The following FAM53B variants were observed in gnomAD, a reference collection of about 807,000 sequenced individuals.
FAM53B encodes the protein family with sequence similarity 53 member B, also known as protein FAM53B.
Under a neutral mutation model 32.7 loss-of-function variants are expected in FAM53B, and 12 were observed. The ratio of observed to expected loss-of-function variants is 0.37; its 90% CI spans 0.24 to 0.59. The LOEUF is 0.59. Ranked by LOEUF, FAM53B falls within the 20% of genes least tolerant of loss-of-function variation. The pLI, the probability that FAM53B is intolerant of heterozygous loss-of-function variation, is 0.72. For missense variants in FAM53B, 477 were observed against 577.7 expected (o/e 0.83, Z 1.79); for synonymous variants, 234 against 228.7 (o/e 1.02, Z -0.21).
chr10:124,631,058 C>T (rs1431124200), intron 4 of FAM53B, among the ~76,000 whole-genome samples: 7 of 152,214 alleles, frequency 4.6e-5, no homozygotes. Flanking sequence ...CAGTCCAGGC[C>T]ACGCTGAGTC....
At chr10:124,674,812 G>A (rs988567850) in intron 4 of FAM53B, among the ~76,000 whole-genome samples, 5 of 152,224 alleles carry the variant, frequency 3.3e-5, no homozygotes, top group African/African-American at 1.2e-4. Flanking sequence ...GCCTCCCAAG[G>A]GCAGCGCCTG....
At chr10:124,706,994 C>T in intron 1 of FAM53B, 107 bp from the exon 2 acceptor site, 1 of 1,066,506 alleles carries the variant, frequency 9.4e-7, no homozygotes, top group South Asian at 1.8e-5. Context: ...GGAACCACCT[C>T]TCTGCTAAAG....
At chr10:124,740,593 C>T (rs917501898) in intron 1 of FAM53B, among the ~76,000 whole-genome samples, 1 of 152,126 alleles carries the variant, frequency 6.6e-6, no homozygotes, top group Non-Finnish European at 1.5e-5. Flanking sequence ...CAACCTTGAG[C>T]CATAATAAAG....
At chr10:124,690,004 G>A (rs1949823979) in intron 3 of FAM53B, among the ~76,000 whole-genome samples, 3 of 152,224 alleles carry the variant, frequency 2.0e-5, no homozygotes, top group South Asian at 2.1e-4. Context: ...GGACAACAAG[G>A]TCAGTTTGGT....
chr10:124,624,862 C>T lies in FAM53B; in HGVS notation c.907-1258G>A, dbSNP rs12415183. The stretch of plus-strand genomic sequence containing the variant: ...CTGAGACAGTGAGGGGCACTCCCGG[C>T]GCAGTCCTGGATATCCCCAACCGGA... On this transcript the variant is annotated intron_variant, in intron 4 of 4. Transcript: ENST00000337318. Among the ~76,000 whole-genome samples, 1,131 of 152,238 alleles carry T rather than the reference C, an allele frequency of 7.4e-3. 21 individuals are homozygous for T. In the East Asian group the frequency reaches 0.097, roughly 13 times the overall value.
intron 4 of FAM53B, among the ~76,000 whole-genome samples, chr10:124,668,716 AGAG>A (rs1362606399): frequency 1.3e-5 from 2 of 152,246 alleles, no homozygotes; most frequent in East Asian, 3.8e-4. Context: ...TCATGAGGCA[AGAG>A]GGGACCTCAT....
intron 4 of FAM53B, among the ~76,000 whole-genome samples, chr10:124,664,781 G>T (rs1469778624): frequency 6.6e-6 from 1 of 152,210 alleles, no homozygotes; most frequent in Non-Finnish European, 1.5e-5. Context: ...CCAATTTTCA[G>T]ACCAAGAAAC....
intron 4 of FAM53B, chr10:124,667,170 T>G (rs1450797849): frequency 7.5e-6 from 4 of 536,268 alleles, no homozygotes; most frequent in Non-Finnish European, 1.3e-5. Context: ...CTGAAACCAG[T>G]AAGAAAAAAG....
chr10:124,735,806 T>C (rs572875487), intron 1 of FAM53B, among the ~76,000 whole-genome samples: 4 of 152,332 alleles, frequency 2.6e-5, no homozygotes, highest in African/African-American at 9.6e-5. Flanking sequence ...AGCACTGCCA[T>C]ACTCCAGAAG....
chr10:124,660,037 C>T (rs1055933307), intron 4 of FAM53B, among the ~76,000 whole-genome samples: 4 of 152,256 alleles, frequency 2.6e-5, no homozygotes, highest in Admixed American at 6.5e-5. Context: ...AAACTCCTGA[C>T]CTCAAGTGAC....
chr10:124,692,468 A>G (rs1158765941), intron 3 of FAM53B, among the ~76,000 whole-genome samples: 1 of 152,138 alleles, frequency 6.6e-6, no homozygotes, highest in African/African-American at 2.4e-5. Flanking sequence ...TAATCCCAGC[A>G]CTTTGGGAGG....
At chr10:124,705,285 G>C (rs1046326327) in intron 2 of FAM53B, among the ~76,000 whole-genome samples, 1 of 150,974 alleles carries the variant, frequency 6.6e-6, no homozygotes, top group Admixed American at 6.6e-5. Flanking sequence ...GGCCCAGGAA[G>C]TGGGGCTAGA....
chr10:124,731,953 C>T lies in FAM53B; in HGVS notation c.-175+12060G>A, dbSNP rs190084999. Among the ~76,000 whole-genome samples, 356 of 152,302 alleles carry T rather than the reference C, an allele frequency of 2.3e-3. 4 individuals are homozygous for T. Among genetic ancestry groups the T allele is most frequent in the Middle Eastern group, 6.8e-3 (2 of 294 alleles). On this transcript the variant is annotated intron_variant, in intron 1 of 4. Transcript: ENST00000337318. ...TCCTGCATTTGGCATGAAGACCCAG[C>T]TCCCTCCCAAGTCTTCTCCCTATCT...
At chr10:124,674,771 G>A (rs1238705911) in intron 4 of FAM53B, among the ~76,000 whole-genome samples, 1 of 152,236 alleles carries the variant, frequency 6.6e-6, no homozygotes. Context: ...AGCTGGTAAG[G>A]CCTTGTTCTC....
At chr10:124,705,263 G>C (rs1170579543) in intron 2 of FAM53B, among the ~76,000 whole-genome samples, 1 of 152,188 alleles carries the variant, frequency 6.6e-6, no homozygotes, top group Admixed American at 6.5e-5. Context: ...AACAGGCAGA[G>C]GCCTGAATGC....
Position 124,623,506 on chromosome 10 carries a change from G to A in FAM53B, c.1005C>T (p.Ala335=), listed in dbSNP as rs747329227. The change falls in exon 5 of 5, where the codon GCC becomes GCT. Residue 335 remains alanine, a synonymous_variant. Coordinates refer to ENST00000337318, the MANE Select transcript of FAM53B (RefSeq NM_014661.4). The stretch of plus-strand genomic sequence containing the variant: ...CGGAGGCTGAGAGCAGGGCGGTCCA[G>A]GCCCTGGTGTTGCTGACGTGGCGGG... ...PFARHVSNTR[A]WTALLSASGP... The A allele has an allele frequency of 2.5e-6, 4 of 1,593,670 alleles. No homozygotes were observed. Among genetic ancestry groups the A allele is most frequent in the Non-Finnish European group, 3.4e-6 (4 of 1,170,912 alleles).
At chr10:124,628,126 C>T (rs1328423764) in intron 4 of FAM53B, among the ~76,000 whole-genome samples, 1 of 152,222 alleles carries the variant, frequency 6.6e-6, no homozygotes, top group East Asian at 1.9e-4. Context: ...ACGCTAGAAA[C>T]ATCTCCTGAG....
intron 1 of FAM53B, among the ~76,000 whole-genome samples, chr10:124,732,759 T>C (rs1363117531): frequency 6.6e-6 from 1 of 150,814 alleles, no homozygotes; most frequent in Non-Finnish European, 1.5e-5. Context: ...CTTGGGAGGC[T>C]GAGGTTGCAC....
At chr10:124,729,733 T>C (rs1005706796) in intron 1 of FAM53B, among the ~76,000 whole-genome samples, 2 of 152,224 alleles carry the variant, frequency 1.3e-5, no homozygotes, top group East Asian at 1.9e-4. Context: ...GACTCCAATG[T>C]AGACAGCGTG....
Sources: allele counts gnomAD v4.1 joint callset (sites outside exome capture counted in the v4.1 genomes callset), GRCh38; gene constraint gnomAD v4.1.1; transcripts MANE v1.5; gene names NCBI Gene and HGNC (gene_info 2026-07-23, HGNC 2026-07-21).